Variants in ASAP1 observed in about 807,000 individuals in gnomAD.
The protein encoded by ASAP1 is ArfGAP with SH3 domain, ankyrin repeat and PH domain 1, also known as arf-GAP with SH3 domain, ANK repeat and PH domain-containing protein 1.
In ASAP1, 43 loss-of-function variants were observed where a neutral mutation model predicts 145.2. That is an observed-to-expected ratio of 0.30 (90% confidence interval 0.23 to 0.38). ASAP1 has a LOEUF of 0.38. Among genes scored for constraint, ASAP1 ranks in the 10% least tolerant of loss-of-function variants. The pLI, the probability that ASAP1 is intolerant of heterozygous loss-of-function variation, is 1.00. For missense variants in ASAP1, 1,018 were observed against 1,355.3 expected (o/e 0.75, Z 3.91); for synonymous variants, 546 against 515.5 (o/e 1.06, Z -0.80).
chr8:130,438,982 G>A (rs2138833892), intron 1 of ASAP1, among the ~76,000 whole-genome samples: 1 of 152,336 alleles, frequency 6.6e-6, no homozygotes, highest in African/African-American at 2.4e-5. Context: ...TGAGTTACAT[G>A]GCAATGGAAA....
intron 1 of ASAP1, among the ~76,000 whole-genome samples, chr8:130,424,848 C>G (rs1476111618): frequency 1.3e-5 from 2 of 151,936 alleles, no homozygotes; most frequent in Non-Finnish European, 2.9e-5. Context: ...AAAAAATTAG[C>G]CGGGCATGGT....
At chr8:130,301,823 C>T (rs1031653732) in intron 3 of ASAP1, among the ~76,000 whole-genome samples, 1 of 152,150 alleles carries the variant, frequency 6.6e-6, no homozygotes, top group African/African-American at 2.4e-5. Context: ...AGTATCTATT[C>T]GTAGATTTCA....
chr8:130,279,017 G>T (rs1821094991), intron 3 of ASAP1, among the ~76,000 whole-genome samples: 1 of 152,182 alleles, frequency 6.6e-6, no homozygotes, highest in Admixed American at 6.5e-5. Flanking sequence ...GAAGTAGAAA[G>T]TGTTATTGAA....
At chr8:130,254,120 G>C (rs146935862) in intron 3 of ASAP1, among the ~76,000 whole-genome samples, 140 of 152,330 alleles carry the variant, frequency 9.2e-4, no homozygotes, top group African/African-American at 3.3e-3. Context: ...AGCATTACAG[G>C]AAAGGTGGAG....
chr8:130,408,544 C>T (rs994477903), intron 1 of ASAP1, among the ~76,000 whole-genome samples: 1 of 152,170 alleles, frequency 6.6e-6, no homozygotes, highest in African/African-American at 2.4e-5. Flanking sequence ...ACACCACTGG[C>T]TTTCCTGGTT....
intron 5 of ASAP1, among the ~76,000 whole-genome samples, chr8:130,204,570 A>G (rs1586587586): frequency 6.6e-6 from 1 of 152,100 alleles, no homozygotes; most frequent in South Asian, 2.1e-4. Flanking sequence ...GCTCCCTCCC[A>G]TTTCCAGGTC....
chr8:130,229,820 G>A (rs1481847617), intron 4 of ASAP1, among the ~76,000 whole-genome samples: 2 of 152,110 alleles, frequency 1.3e-5, no homozygotes, highest in Non-Finnish European at 2.9e-5. Context: ...GTGGGTGGAT[G>A]GCTTGGGCCC....
intron 1 of ASAP1, among the ~76,000 whole-genome samples, chr8:130,417,806 A>G (rs1309799682): frequency 1.3e-5 from 2 of 152,186 alleles, no homozygotes; most frequent in Admixed American, 1.3e-4. Flanking sequence ...GGATCTCACC[A>G]AAGGGGCCAC....
chr8:130,287,372 G>A (rs1261366848), intron 3 of ASAP1, among the ~76,000 whole-genome samples: 4 of 152,162 alleles, frequency 2.6e-5, no homozygotes, highest in Non-Finnish European at 4.4e-5. Context: ...ATGCAGTATA[G>A]ATGATGGCAC....
chr8:130,217,877 G>A (rs938159448), intron 4 of ASAP1, among the ~76,000 whole-genome samples: 3 of 152,070 alleles, frequency 2.0e-5, no homozygotes, highest in Non-Finnish European at 4.4e-5. Flanking sequence ...AATAACCCAG[G>A]AAGTCTAAAT....
At chr8:130,304,117 C>CTTAAATTTACTTCTGTAAA (rs1401723767) in intron 3 of ASAP1, among the ~76,000 whole-genome samples, 1 of 151,592 alleles carries the variant, frequency 6.6e-6, no homozygotes, top group African/African-American at 2.4e-5. Flanking sequence ...TAAAACTGCT[C>CTTAAATTTACTTCTGTAAA]TTTAAAAAAA....
intron 16 of ASAP1, among the ~76,000 whole-genome samples, chr8:130,127,722 G>A (rs1483797743): frequency 6.6e-6 from 1 of 152,130 alleles, no homozygotes; most frequent in Non-Finnish European, 1.5e-5. Flanking sequence ...ACACCTAGGA[G>A]AGCAAGAGGG....
chr8:130,334,814 C>T (rs1210704930), intron 3 of ASAP1, among the ~76,000 whole-genome samples: 1 of 152,184 alleles, frequency 6.6e-6, no homozygotes, highest in African/African-American at 2.4e-5. Context: ...CAAATACCAA[C>T]AGCTCTCCAT....
At chr8:130,264,591 G>T (rs1193720793) in intron 3 of ASAP1, among the ~76,000 whole-genome samples, 1 of 151,938 alleles carries the variant, frequency 6.6e-6, no homozygotes, top group Admixed American at 6.5e-5. Flanking sequence ...GCTTTTTTTG[G>T]AACTATAACT....
At chr8:130,126,130 T>G in intron 16 of ASAP1, 41 bp from the exon 17 acceptor site, 1 of 1,577,468 alleles carries the variant, frequency 6.3e-7, no homozygotes, top group Non-Finnish European at 8.6e-7. Context: ...AAAAAAGACA[T>G]CTAATTTTAG....
intron 3 of ASAP1, among the ~76,000 whole-genome samples, chr8:130,290,261 T>G (rs1248471868): frequency 1.3e-5 from 2 of 152,240 alleles, no homozygotes; most frequent in Non-Finnish European, 2.9e-5. Flanking sequence ...GTCATATAAC[T>G]GTGCTACTCC....
At chr8:130,434,699 C>T (rs1015897999) in intron 1 of ASAP1, among the ~76,000 whole-genome samples, 2 of 152,054 alleles carry the variant, frequency 1.3e-5, no homozygotes, top group African/African-American at 4.8e-5. Context: ...GGAGGAGCCG[C>T]AAAGAACAGT....
intron 3 of ASAP1, among the ~76,000 whole-genome samples, chr8:130,257,398 T>C (rs1819628263): frequency 6.6e-6 from 1 of 152,156 alleles, no homozygotes; most frequent in Non-Finnish European, 1.5e-5. Flanking sequence ...TTTATTTACA[T>C]AGTTTGGCTA....
In ASAP1 at chr8:130,092,138, T is replaced by C. The variant is rs1170755279; in HGVS notation, c.2407A>G (p.Thr803Ala). ...AGAGGGAGTGTTGAAGGTGGGCCAGTTGGACCTAGAAAGGAAATTGAATGG... is the reference window on the plus strand; with the variant it reads ...AGAGGGAGTGTTGAAGGTGGGCCAGCTGGACCTAGAAAGGAAATTGAATGG... The part of the protein sequence containing the change: ...LPPRNAGKGP[T>A]GPPSTLPLST... Residue 803 changes from threonine to alanine, a missense_variant, in exon 25 of 30, where the codon ACT becomes GCT. Thr to Ala is a moderately conservative substitution (Grantham distance 58). Around this residue, in one of 9 missense-constraint regions of ASAP1, gnomAD observed 353 missense variants for 375.4 expected, o/e 0.94. Coordinates refer to ENST00000518721, the MANE Select transcript of ASAP1 (RefSeq NM_018482.4). The C allele has an allele frequency of 1.9e-6, 3 of 1,564,484 alleles. No homozygotes were observed. The highest frequency in any genetic ancestry group is 1.2e-5 in the South Asian group (1 of 84,264).
Sources: gnomAD v4.1 joint callset for allele counts (sites outside exome capture counted in the v4.1 genomes callset) on GRCh38, gnomAD v4.1.1 for gene constraint, gnomAD v4.1.1 regional missense constraint, MANE v1.5 for transcripts, NCBI Gene and HGNC (gene_info 2026-07-23, HGNC 2026-07-21) for gene names.